TMEM167A: variants seen among roughly 807,000 people sequenced by gnomAD.
The protein encoded by TMEM167A is transmembrane protein 167A, also known as protein kish-A.
TMEM167A carries 8 observed loss-of-function variants against 11.6 expected under a neutral mutation model. That is an observed-to-expected ratio of 0.69 (90% CI 0.40 to 1.24). The LOEUF (loss-of-function observed/expected upper bound fraction) is 1.24, where lower values mean the gene tolerates loss of function less well. TMEM167A is among the 50% of genes most tolerant of loss of function. TMEM167A has a pLI of 0.01. For synonymous variants in TMEM167A, 22 were observed against 28.0 expected, an observed-to-expected ratio of 0.79 and a Z score of 0.67; for missense variants, 62 against 87.0, an observed-to-expected ratio of 0.71 and a Z score of 1.14.
At chr5:83,066,335 T>C (rs1260209251) in intron 1 of TMEM167A, among the ~76,000 whole-genome samples, 1 of 152,150 alleles carries the variant, frequency 6.6e-6, no homozygotes, top group Non-Finnish European at 1.5e-5. Flanking sequence ...TGAGAAAACT[T>C]AGTTACACAA....
At chr5:83,064,352 A>G (rs779949993) in intron 2 of TMEM167A, 4 of 518,216 alleles carry the variant, frequency 7.7e-6, no homozygotes, top group Non-Finnish European at 1.5e-5. Flanking sequence ...CTTGCTTTTG[A>G]AGAAGAATTT....
In TMEM167A at chr5:83,053,971, A is replaced by C. The variant is rs1037572960; in HGVS notation, c.*3113T>G. On this transcript the variant is annotated 3_prime_UTR_variant, in exon 4 of 4. Transcript: ENST00000502346. ...TCCTGTCTTCAGTGATGATATACTG[A>C]AAGAATGGTGTAGGAGTAGAAATAT... 8.5e-5 allele frequency: 13 copies of C among 152,070 alleles called. No individual in the cohort carries two copies. Among genetic ancestry groups the C allele is most frequent in the African/African-American group, 3.1e-4 (13 of 41,436 alleles). 9.4% of individuals were successfully genotyped at this position (152,070 alleles called of 1,614,324 possible).
chr5:83,074,118 C>T (rs1194144766), intron 1 of TMEM167A, among the ~76,000 whole-genome samples: 3 of 152,212 alleles, frequency 2.0e-5, no homozygotes, highest in African/African-American at 7.2e-5. Flanking sequence ...TTTGGCATGG[C>T]ACAAAGCTCT....
At chr5:83,073,977 G>A (rs897744187) in intron 1 of TMEM167A, among the ~76,000 whole-genome samples, 6 of 152,202 alleles carry the variant, frequency 3.9e-5, no homozygotes, top group African/African-American at 1.4e-4. Flanking sequence ...TGGTCTCCCA[G>A]ATTCTAATCT....
chr5:83,063,312 G>T (rs1261387469), intron 2 of TMEM167A, among the ~76,000 whole-genome samples: 1 of 152,050 alleles, frequency 6.6e-6, no homozygotes, highest in South Asian at 2.1e-4. Flanking sequence ...TGATTACACG[G>T]AAAGTCCTTA....
chr5:83,058,773 T>C (rs1561301114), intron 3 of TMEM167A, among the ~76,000 whole-genome samples: 2 of 152,136 alleles, frequency 1.3e-5, no homozygotes, highest in Admixed American at 6.6e-5. Context: ...TTAATTTTCC[T>C]GTTTTTAATT....
At chr5:83,070,344 T>C (rs1055720713) in intron 1 of TMEM167A, among the ~76,000 whole-genome samples, 1 of 152,162 alleles carries the variant, frequency 6.6e-6, no homozygotes, top group Non-Finnish European at 1.5e-5. Context: ...CTCCAAACGA[T>C]TTGTCATCAA....
chr5:83,063,596 A>G (rs533191253), intron 2 of TMEM167A, among the ~76,000 whole-genome samples: 2 of 152,210 alleles, frequency 1.3e-5, no homozygotes, highest in East Asian at 3.9e-4. Context: ...AAATGAGTAA[A>G]GAACCCTAAC....
intron 1 of TMEM167A, among the ~76,000 whole-genome samples, chr5:83,067,821 T>G (rs552664492): frequency 2.6e-4 from 39 of 152,294 alleles, no homozygotes; most frequent in African/African-American, 9.4e-4. Flanking sequence ...GTTTTTAATC[T>G]AATTCTCAAC....
In TMEM167A at chr5:83,070,582, A is replaced by G. The variant is rs201120551; in HGVS notation, c.4-5465T>C. ...AATTCACAGACTTTATTTGGCCACC[A>G]CTACAGGAGATGCAATAATTAATCA... On this transcript the variant is annotated intron_variant, in intron 1 of 3. Coordinates refer to ENST00000502346, the MANE Select transcript of TMEM167A (RefSeq NM_174909.5). Among the ~76,000 whole-genome samples, 62 of 152,304 alleles carry G rather than the reference A, an allele frequency of 4.1e-4. No individual in the cohort carries two copies. The East Asian group carries it at 9.8e-3, about 24-fold the overall frequency.
intron 1 of TMEM167A, among the ~76,000 whole-genome samples, chr5:83,065,665 A>G (rs1461043752): frequency 2.6e-5 from 4 of 152,176 alleles, no homozygotes; most frequent in Admixed American, 1.3e-4. Context: ...GAGATGCTCA[A>G]CGAGTAAGTA....
intron 1 of TMEM167A, among the ~76,000 whole-genome samples, chr5:83,065,763 G>T (rs549626489): frequency 6.6e-6 from 1 of 152,268 alleles, no homozygotes; most frequent in Admixed American, 6.5e-5. Flanking sequence ...TACTTAGCTT[G>T]TATTTAATAG....
intron 2 of TMEM167A, among the ~76,000 whole-genome samples, chr5:83,064,734 G>A (rs1744457584): frequency 6.6e-6 from 1 of 152,058 alleles, no homozygotes; most frequent in Non-Finnish European, 1.5e-5. Context: ...AAAACTGATG[G>A]ACAACTAACA....
At chr5:83,063,784 T>G (rs1744440524) in intron 2 of TMEM167A, among the ~76,000 whole-genome samples, 1 of 152,036 alleles carries the variant, frequency 6.6e-6, no homozygotes, top group Admixed American at 6.6e-5. Flanking sequence ...TAAATACCAA[T>G]AAGTATATTT....
chr5:83,062,632 A>G (rs188586781), intron 2 of TMEM167A, among the ~76,000 whole-genome samples: 5 of 152,156 alleles, frequency 3.3e-5, no homozygotes. Flanking sequence ...GGCATGTATA[A>G]CAAATCATCT....
At chr5:83,065,183 C>T (rs1193249026) in intron 1 of TMEM167A, 66 bp from the exon 2 acceptor site, 7 of 994,106 alleles carry the variant, frequency 7.0e-6, no homozygotes, top group South Asian at 1.5e-5. Flanking sequence ...AAATGTTTGA[C>T]AATTCCACAT....
Position 83,057,000 on chromosome 5 carries a change from TA to T in TMEM167A, c.*83del. On this transcript the variant is annotated 3_prime_UTR_variant, in exon 4 of 4. Transcript: ENST00000502346. ...ATTCAATGTTCGGAGATAAAAGAGTTAAACATCCTTTCCATTATTTTCTGCA... is the reference window on the plus strand; with the variant it reads ...ATTCAATGTTCGGAGATAAAAGAGTTAACATCCTTTCCATTATTTTCTGCA... 1.6e-6 allele frequency: 2 copies of T among 1,243,022 alleles called. No homozygotes were observed. The highest frequency in any genetic ancestry group is 2.4e-5 in the South Asian group (2 of 82,942). The allele number at this position is 1,243,022 out of a possible 1,614,324, so 77.0% of individuals were successfully genotyped here. A position where few individuals can be genotyped will look rare whatever the true frequency, so the allele number is the denominator to read the frequency against.
rs770966372 is a variant in TMEM167A, at chr5:83,061,937, A to G, written c.114-26T>C. On this transcript the variant is annotated intron_variant, in intron 2 of 3. Coordinates refer to ENST00000502346, the MANE Select transcript of TMEM167A (RefSeq NM_174909.5). ...CTGCATAGAATAAAAAAAGAAAAAA[A>G]GTAGCTATTGATTACTCGGAAAGGT... 4 of 1,595,754 alleles carry G rather than the reference A, an allele frequency of 2.5e-6. No homozygotes were observed. In the African/African-American group the frequency reaches 5.4e-5, roughly 21 times the overall value.
chr5:83,062,104 C>T, intron 2 of TMEM167A, 193 bp from the exon 3 acceptor site: 1 of 512,808 alleles, frequency 2.0e-6, no homozygotes, highest in Non-Finnish European at 3.5e-6. Context: ...GACATATCAA[C>T]CATCAATGTA....
Sources: gnomAD v4.1 joint callset for allele counts (sites outside exome capture counted in the v4.1 genomes callset) on GRCh38, gnomAD v4.1.1 for gene constraint, MANE v1.5 for transcripts, NCBI Gene and HGNC (gene_info 2026-07-23, HGNC 2026-07-21) for gene names.